RERE: variants seen among roughly 807,000 people sequenced by gnomAD.
RERE encodes the protein arginine-glutamic acid dipeptide repeats protein.
A neutral mutation model predicts 146.1 loss-of-function variants in RERE; 40 were observed. That is an observed-to-expected ratio of 0.27 (90% CI 0.21 to 0.36). The LOEUF (loss-of-function observed/expected upper bound fraction) is 0.36. Ranked by LOEUF, RERE falls within the 10% of genes least tolerant of loss-of-function variation. The probability of loss-of-function intolerance (pLI) is 1.00; values close to 1 mark genes in which losing one functional copy is unlikely to be tolerated. For synonymous variants in RERE, 1,003 were observed against 866.0 expected (o/e 1.16, Z -2.78); for missense variants, 1,933 against 2,138.7 (o/e 0.90, Z 1.90).
intron 1 of RERE, among the ~76,000 whole-genome samples, chr1:8,752,164 T>TC (rs768820678): frequency 8.7e-4 from 132 of 152,212 alleles, no homozygotes; most frequent in Non-Finnish European, 1.4e-3. Context: ...GCCTTGCGTG[T>TC]CTGTGTTCTT....
chr1:8,670,758 G>T (rs1207639787), intron 1 of RERE, among the ~76,000 whole-genome samples: 1 of 152,202 alleles, frequency 6.6e-6, no homozygotes, highest in Non-Finnish European at 1.5e-5. Flanking sequence ...AGCAGTGAGC[G>T]CAAGAAGAAT....
At chr1:8,386,753 A>G (rs1570114536) in intron 12 of RERE, among the ~76,000 whole-genome samples, 1 of 152,102 alleles carries the variant, frequency 6.6e-6, no homozygotes, top group African/African-American at 2.4e-5. Context: ...ATTTTCAAGT[A>G]AAGTTTACCT....
intron 11 of RERE, among the ~76,000 whole-genome samples, chr1:8,437,855 G>A (rs1045529499): frequency 3.3e-5 from 5 of 152,134 alleles, no homozygotes; most frequent in Non-Finnish European, 5.9e-5. Context: ...AACCCAGGCT[G>A]AGACTTCTGC....
intron 4 of RERE, 73 bp downstream of exon 4, chr1:8,614,488 G>A: frequency 7.0e-7 from 1 of 1,431,414 alleles, no homozygotes; most frequent in Non-Finnish European, 9.5e-7. Context: ...TCTGGGGAGG[G>A]AGGTAATATT....
intron 13 of RERE, among the ~76,000 whole-genome samples, chr1:8,365,321 T>C (rs1319017503): frequency 6.6e-6 from 1 of 152,148 alleles, no homozygotes; most frequent in Non-Finnish European, 1.5e-5. Context: ...CCCAGTTTTT[T>C]AGGGGTGAGA....
intron 12 of RERE, among the ~76,000 whole-genome samples, chr1:8,385,763 C>T (rs1570110034): frequency 3.3e-5 from 5 of 150,220 alleles, no homozygotes; most frequent in Admixed American, 3.3e-4. Flanking sequence ...GAGATCGAGA[C>T]TATCCTGGCT....
intron 10 of RERE, 106 bp downstream of exon 10, chr1:8,494,957 T>G: frequency 1.2e-6 from 1 of 806,542 alleles, no homozygotes; most frequent in African/African-American, 1.7e-5. Context: ...AACTCACTCC[T>G]GAGTCTACAG....
At chr1:8,601,361 T>C (rs1163022039) in intron 4 of RERE, among the ~76,000 whole-genome samples, 1 of 152,020 alleles carries the variant, frequency 6.6e-6, no homozygotes, top group Non-Finnish European at 1.5e-5. Flanking sequence ...ACTACATCAC[T>C]GAGAGGAATG....
intron 10 of RERE, among the ~76,000 whole-genome samples, chr1:8,470,974 A>T (rs1389648476): frequency 2.0e-5 from 3 of 150,012 alleles, no homozygotes; most frequent in Non-Finnish European, 4.4e-5. Flanking sequence ...GCGCCACCAC[A>T]CCCAGCTAAT....
chr1:8,512,047 G>T (rs1365772562), intron 7 of RERE: 2 of 17,448 alleles, frequency 1.1e-4, no homozygotes, highest in Non-Finnish European at 3.0e-4. Context: ...TTTTTTTTGA[G>T]ACGGAGTCTC....
chr1:8,443,465 A>G (rs1377392871), intron 11 of RERE, among the ~76,000 whole-genome samples: 2 of 150,456 alleles, frequency 1.3e-5, no homozygotes, highest in African/African-American at 4.9e-5. Flanking sequence ...AAAAGAAAAA[A>G]AAAAAAAAAA....
intron 11 of RERE, among the ~76,000 whole-genome samples, chr1:8,459,513 G>A (rs1182531892): frequency 6.6e-6 from 1 of 152,114 alleles, no homozygotes; most frequent in African/African-American, 2.4e-5. Flanking sequence ...TGGGTTAATG[G>A]CAAAGGTTCC....
intron 7 of RERE, among the ~76,000 whole-genome samples, chr1:8,513,780 CAAAAACAAAA>C (rs1645374236): frequency 6.6e-6 from 1 of 152,032 alleles, no homozygotes; most frequent in African/African-American, 2.4e-5. Flanking sequence ...AACTCTGTCT[CAAAAACAAAA>C]CAAAACAAAA....
rs1398253051 is a variant in RERE at position 8,360,726 on chromosome 1, G to A, written c.2781C>T (p.His927=). The change falls in exon 18 of 23, where the codon CAC becomes CAT. Residue 927 remains histidine (H), a synonymous_variant. Transcript: ENST00000400908. The stretch of plus-strand genomic sequence containing the variant: ...TGGGAGTGGTAGGCGGGGGCTTGAT[G>A]TGGGGCATGGCCAAGGGCGCTGGTG... ...PLPPAPLAMP[H]IKPPPTTPIP... 3 of 1,592,464 alleles carry A rather than the reference G, an allele frequency of 1.9e-6. No homozygotes were observed. The highest frequency in any genetic ancestry group is 2.7e-5 in the African/African-American group (2 of 74,196).
intron 12 of RERE, among the ~76,000 whole-genome samples, chr1:8,378,696 A>G (rs936298762): frequency 3.9e-5 from 6 of 152,224 alleles, no homozygotes; most frequent in Non-Finnish European, 8.8e-5. Context: ...CCAGAACTGT[A>G]AGAAAATAAG....
rs552198088 is a variant in RERE, at chr1:8,685,987, T to C, written c.-144-29546A>G. The stretch of plus-strand genomic sequence containing the variant: ...TTTTAAACTCTTTAGGTAATTTTTT[T>C]TTTTTTTTTTGGAAACAAGGTCTCA... On this transcript the variant is annotated intron_variant, in intron 1 of 22. Coordinates refer to ENST00000400908, the MANE Select transcript of RERE (RefSeq NM_001042681.2). 3.3e-5 allele frequency among the ~76,000 whole-genome samples: 5 copies of C among 152,022 alleles called. No individual in the cohort carries two copies. In the South Asian group the frequency reaches 8.3e-4, roughly 25 times the overall value.
intron 10 of RERE, among the ~76,000 whole-genome samples, chr1:8,491,616 TCAAA>T (rs1026367003): frequency 8.5e-5 from 13 of 152,072 alleles, no homozygotes; most frequent in African/African-American, 1.2e-4. Flanking sequence ...AGATCCTGCC[TCAAA>T]CAAACAAACA....
At chr1:8,714,914 G>T (rs6693127) in intron 1 of RERE, among the ~76,000 whole-genome samples, 56 of 151,408 alleles carry the variant, frequency 3.7e-4, no homozygotes, top group African/African-American at 1.3e-3. Context: ...TCACTCTGTC[G>T]CCAAGCCGGA....
intron 1 of RERE, among the ~76,000 whole-genome samples, chr1:8,690,273 C>T (rs529013321): frequency 2.0e-5 from 3 of 152,282 alleles, no homozygotes; most frequent in African/African-American, 7.2e-5. Flanking sequence ...CACTGGTCAT[C>T]TCTGGTCTCT....
Sources: gnomAD v4.1 joint callset for allele counts (sites outside exome capture counted in the v4.1 genomes callset) on GRCh38, gnomAD v4.1.1 for gene constraint, MANE v1.5 for transcripts, NCBI Gene and HGNC (gene_info 2026-07-23, HGNC 2026-07-21) for gene names.